The following ZC3H3 variants were observed in gnomAD, a reference collection of about 807,000 sequenced individuals.
The protein encoded by ZC3H3 is zinc finger CCCH domain-containing protein 3.
In ZC3H3, 36 loss-of-function variants were observed where a neutral mutation model predicts 77.3. That is an observed-to-expected ratio of 0.47 (90% CI 0.36 to 0.61). The LOEUF (loss-of-function observed/expected upper bound fraction) is 0.61. Among genes scored for constraint, ZC3H3 ranks in the 20% least tolerant of loss-of-function variants. The pLI is 0.00. For synonymous variants in ZC3H3, 626 were observed against 555.2 expected, an observed-to-expected ratio of 1.13 and a Z score of -1.79; for missense variants, 1,331 against 1,312.2, an observed-to-expected ratio of 1.01 and a Z score of -0.22.
At chr8:143,517,283 C>T (rs943089532) in intron 3 of ZC3H3, among the ~76,000 whole-genome samples, 2 of 152,196 alleles carry the variant, frequency 1.3e-5, no homozygotes, top group Admixed American at 6.5e-5. Context: ...CGGCTCTACC[C>T]AGCCTCAGGT....
chr8:143,484,436 A>AATGG (rs1820994671), intron 4 of ZC3H3: 1 of 153,696 alleles, frequency 6.5e-6, no homozygotes. Context: ...TATTTCGATC[A>AATGG]ATGGATGCAT....
At chr8:143,535,168 A>T (rs1050410580) in intron 3 of ZC3H3, among the ~76,000 whole-genome samples, 3 of 152,012 alleles carry the variant, frequency 2.0e-5, no homozygotes, top group African/African-American at 7.3e-5. Flanking sequence ...CCTCCCGAGT[A>T]GCTGGGATTA....
intron 3 of ZC3H3, among the ~76,000 whole-genome samples, chr8:143,523,857 G>A (rs1166285390): frequency 2.0e-5 from 3 of 152,242 alleles, no homozygotes; most frequent in Non-Finnish European, 2.9e-5. Context: ...GAGCGGGGCC[G>A]CAGGATGATG....
chr8:143,501,896 T>C (rs1297467219), intron 4 of ZC3H3, among the ~76,000 whole-genome samples: 1 of 152,236 alleles, frequency 6.6e-6, no homozygotes, highest in Non-Finnish European at 1.5e-5. Flanking sequence ...GACTGAATGT[T>C]TGTGTCCCTC....
chr8:143,539,761 T>C (rs964195), intron 1 of ZC3H3, among the ~76,000 whole-genome samples: 60,920 of 151,980 alleles, frequency 0.4, 13,032 homozygotes, highest in African/African-American at 0.54. Context: ...CTCCACTGAG[T>C]GTAACAGAAC....
At chr8:143,497,668 G>C (rs1173338694) in intron 4 of ZC3H3, among the ~76,000 whole-genome samples, 4 of 152,218 alleles carry the variant, frequency 2.6e-5, no homozygotes, top group Admixed American at 2.6e-4. Context: ...CCAGGGGCCA[G>C]GGCAAGCCTG....
In ZC3H3 at chr8:143,494,659, G is replaced by A. The variant is rs1182159258; in HGVS notation, c.1715+13087C>T. Among the ~76,000 whole-genome samples the A allele has an allele frequency of 6.6e-6, 1 of 152,146 alleles. No individual in the cohort carries two copies. Among genetic ancestry groups the A allele is most frequent in the Non-Finnish European group, 1.5e-5 (1 of 68,022 alleles). ...GGGTGCTGTGGGCAGACACACGAGG[G>A]GATGGGAGCACAGGAACACAGCCCC... On this transcript the variant is annotated intron_variant, in intron 4 of 11. Coordinates refer to ENST00000262577, the MANE Select transcript of ZC3H3 (RefSeq NM_015117.3). This position sits in a 1 kb window ranked among gnomAD's most constrained non-coding sequence, Gnocchi z 5.3.
chr8:143,461,957 T>G (rs937040268), intron 9 of ZC3H3, among the ~76,000 whole-genome samples: 1 of 151,012 alleles, frequency 6.6e-6, no homozygotes, highest in African/African-American at 2.4e-5. Flanking sequence ...GGAGGGAAAC[T>G]GTACTTCAGT....
intron 4 of ZC3H3, among the ~76,000 whole-genome samples, chr8:143,476,312 T>A (rs1820733318): frequency 6.6e-6 from 1 of 152,186 alleles, no homozygotes; most frequent in African/African-American, 2.4e-5. Flanking sequence ...ATGCTGATGT[T>A]GCCTCAAGTC....
chr8:143,481,080 G>A (rs891293089), intron 4 of ZC3H3, among the ~76,000 whole-genome samples: 1 of 152,200 alleles, frequency 6.6e-6, no homozygotes, highest in South Asian at 2.1e-4. Context: ...CACCCTCCCT[G>A]AGGCTCTGTG....
chr8:143,441,306 G>A (rs1292249090), intron 9 of ZC3H3, among the ~76,000 whole-genome samples, 186 bp from the exon 10 acceptor site: 1 of 152,168 alleles, frequency 6.6e-6, no homozygotes, highest in Non-Finnish European at 1.5e-5. Flanking sequence ...TTCCACCTGG[G>A]CCCTCACCCA....
rs781062720 is a variant in ZC3H3, at chr8:143,440,060, G to T, written c.2796C>A (p.Ala932=). ...GAQPRVRAPR[A]PLTKDSGKPL... ...GCCTACCTGAGTCCTTGGTGAGGGG[G>T]GCCCTAGGGGCCCGGACCCTGGGCT... Residue 932 remains alanine, a synonymous_variant, in exon 11 of 12, where the codon GCC becomes GCA. Coordinates refer to ENST00000262577, the MANE Select transcript of ZC3H3 (RefSeq NM_015117.3). 5 of 1,561,436 alleles carry T rather than the reference G, an allele frequency of 3.2e-6. No homozygotes were observed. The highest frequency in any genetic ancestry group is 4.3e-6 in the Non-Finnish European group (5 of 1,154,320).
At chr8:143,438,384 G>C (rs1819638780) in intron 11 of ZC3H3, among the ~76,000 whole-genome samples, 1 of 151,864 alleles carries the variant, frequency 6.6e-6, no homozygotes, top group South Asian at 2.1e-4. Flanking sequence ...GGGTCCTCCT[G>C]GGCGGGCGGC....
chr8:143,440,191 C>A lies in ZC3H3; in HGVS notation c.2665G>T (p.Glu889Ter), dbSNP rs1032108683. Residue 889 changes from glutamate (E) to a stop codon, truncating the protein, a stop_gained, in exon 11 of 12, where the codon GAG becomes TAG. Transcript: ENST00000262577. LOFTEE classifies it high-confidence loss of function. ...GCAGCCTCCTGGAGAGATGGTGCCT[C>A]GTGGTCCAAGGAAGCGGGAGGGGAT... is the stretch of plus-strand genomic sequence containing the variant. ...SSSPPASLDH[E>*]APSLQEAALA... is the part of the protein sequence containing the mutation. The A allele has an allele frequency of 1.9e-6, 3 of 1,611,668 alleles. No individual in the cohort carries two copies. Among genetic ancestry groups the A allele is most frequent in the Non-Finnish European group, 2.5e-6 (3 of 1,179,568 alleles).
chr8:143,472,540 A>G (rs1453512593), intron 5 of ZC3H3, among the ~76,000 whole-genome samples: 2 of 152,058 alleles, frequency 1.3e-5, no homozygotes, highest in Non-Finnish European at 2.9e-5. Flanking sequence ...CTCCTCCCCA[A>G]AGCTCAGACC....
chr8:143,437,964 G>A lies in ZC3H3; in HGVS notation c.*92C>T, dbSNP rs1015823057. 1.4e-5 allele frequency: 22 copies of A among 1,527,078 alleles called. No individual in the cohort carries two copies. In the African/African-American group the frequency reaches 2.3e-4, roughly 16 times the overall value. 94.6% of individuals were successfully genotyped at this position (1,527,078 alleles called of 1,614,324 possible). A position where few individuals can be genotyped will look rare whatever the true frequency, so the allele number is the denominator to read the frequency against. On this transcript the variant is annotated 3_prime_UTR_variant, in exon 12 of 12. Transcript: ENST00000262577. ...GCCCCCAGGTGAGGCTTGGTGGCGG[G>A]CGGCCCTCCTGTGGGGTAGAGTGGT...
intron 9 of ZC3H3, among the ~76,000 whole-genome samples, chr8:143,465,504 T>C (rs185032033): frequency 2.6e-5 from 4 of 152,270 alleles, no homozygotes; most frequent in African/African-American, 9.6e-5. Context: ...CGCCTCACCT[T>C]CCCATGGTTC....
intron 9 of ZC3H3, 41 bp downstream of exon 9, chr8:143,465,676 C>G: frequency 6.2e-7 from 1 of 1,608,812 alleles, no homozygotes; most frequent in Non-Finnish European, 8.5e-7. Flanking sequence ...ACCAACAAGC[C>G]ACAGGAACCC....
rs4874135 is a variant in ZC3H3, at chr8:143,459,998, G to C, written c.2307+5719C>G. ...GTGGTGGCTCACACCTATAATCCCA[G>C]CACTTTGGGAGGCCAAGGCAGGCGG... On this transcript the variant is annotated intron_variant, in intron 9 of 11. Transcript: ENST00000262577. 6.6e-5 allele frequency among the ~76,000 whole-genome samples: 10 copies of C among 152,196 alleles called. No individual in the cohort carries two copies. In the East Asian group the frequency reaches 1.9e-3, roughly 29 times the overall value.
Sources: allele counts gnomAD v4.1 joint callset (sites outside exome capture counted in the v4.1 genomes callset), GRCh38; gene constraint gnomAD v4.1.1; non-coding constraint Gnocchi (gnomAD v3.1); transcripts MANE v1.5; gene names NCBI Gene and HGNC (gene_info 2026-07-23, HGNC 2026-07-21).